Variants in CEP85L observed in about 807,000 individuals in gnomAD.
CEP85L encodes the protein centrosomal protein of 85 kDa-like.
A neutral mutation model predicts 100.3 loss-of-function variants in CEP85L; 60 were observed. The observed-to-expected ratio is 0.60, with a 90% CI of 0.49 to 0.74. The LOEUF (loss-of-function observed/expected upper bound fraction) is 0.74, where lower values mean the gene tolerates loss of function less well. CEP85L is among the 30% of genes least tolerant of loss of function. CEP85L has a pLI of 0.00. For synonymous variants in CEP85L, 319 were observed against 322.7 expected, an observed-to-expected ratio of 0.99 and a Z score of 0.12; for missense variants, 973 against 936.2, an observed-to-expected ratio of 1.04 and a Z score of -0.51.
At chr6:118,686,680 G>C (rs567336651) in intron 1 of CEP85L, among the ~76,000 whole-genome samples, 17 of 152,256 alleles carry the variant, frequency 1.1e-4, no homozygotes, top group Non-Finnish European at 1.9e-4. Flanking sequence ...AAGAACACTT[G>C]TGTGTTGAGG....
Position 118,565,629 on chromosome 6 carries a change from T to C in CEP85L, c.920A>G (p.Asn307Ser). The C allele has an allele frequency of 6.2e-7, 1 of 1,614,202 alleles. No individual in the cohort carries two copies. Among genetic ancestry groups the C allele is most frequent in the Non-Finnish European group, 8.5e-7 (1 of 1,180,038 alleles). The change falls in exon 3 of 13, where the codon AAT (asparagine) becomes AGT (serine). Residue 307 changes from asparagine (N) to serine (S), a missense_variant. By Grantham distance (46) the Asn-to-Ser change is conservative. Transcript: ENST00000368491. ...CTCTGTATTTCTACCTTCCAAAGGA[T>C]TTGTCCGCAGCTGCTCTGTAAGCCA... is the stretch of plus-strand genomic sequence containing the variant. Reference protein sequence around the residue: ...QMWLTEQLRTNPLEGRNTEDS... With the variant: ...QMWLTEQLRTSPLEGRNTEDS...
chr6:118,602,868 T>C (rs1781854402), intron 2 of CEP85L, among the ~76,000 whole-genome samples: 1 of 151,990 alleles, frequency 6.6e-6, no homozygotes, highest in Non-Finnish European at 1.5e-5. Flanking sequence ...TCACCCAGGC[T>C]GGAGTGCAAT....
At chr6:118,603,539 T>C (rs1336693795) in intron 2 of CEP85L, among the ~76,000 whole-genome samples, 2 of 152,110 alleles carry the variant, frequency 1.3e-5, no homozygotes, top group East Asian at 1.9e-4. Context: ...TAGAGAGAAA[T>C]AAATATGCTC....
chr6:118,476,085 G>T (rs754551230), intron 10 of CEP85L, among the ~76,000 whole-genome samples: 2 of 152,090 alleles, frequency 1.3e-5, no homozygotes, highest in Admixed American at 6.6e-5. Flanking sequence ...ACAGGCCCAA[G>T]AACATTCTTT....
chr6:118,607,113 A>AC (rs902551626), intron 2 of CEP85L, among the ~76,000 whole-genome samples: 60 of 152,240 alleles, frequency 3.9e-4, no homozygotes, highest in Non-Finnish European at 7.2e-4. Flanking sequence ...CATGTGATAA[A>AC]AACAGAGACA....
chr6:118,548,135 A>G (rs1473479102), intron 3 of CEP85L, among the ~76,000 whole-genome samples: 1 of 152,152 alleles, frequency 6.6e-6, no homozygotes, highest in Admixed American at 6.5e-5. Flanking sequence ...GATGAAGCAC[A>G]AAGTGTTAAT....
intron 1 of CEP85L, among the ~76,000 whole-genome samples, chr6:118,680,984 C>T (rs539406851): frequency 4.7e-4 from 72 of 152,184 alleles, no homozygotes; most frequent in Admixed American, 9.2e-4. Context: ...ATTGCTGAAA[C>T]GGAACTTGGT....
intron 1 of CEP85L, chr6:118,646,905 A>T: frequency 3.1e-6 from 3 of 983,150 alleles, no homozygotes; most frequent in Non-Finnish European, 3.6e-6. Context: ...TTATCAACTC[A>T]CCATTTATTG....
intron 2 of CEP85L, chr6:118,588,966 A>T (rs1253425453): frequency 1.1e-5 from 2 of 186,108 alleles, no homozygotes; most frequent in Non-Finnish European, 2.5e-5. Flanking sequence ...GTAGAATGTT[A>T]TAGGAGTTAT....
At chr6:118,541,247 G>T (rs1423279085) in intron 3 of CEP85L, among the ~76,000 whole-genome samples, 1 of 152,172 alleles carries the variant, frequency 6.6e-6, no homozygotes, top group Non-Finnish European at 1.5e-5. Flanking sequence ...CCAACTGAAG[G>T]GCAAATTAAA....
intron 1 of CEP85L, among the ~76,000 whole-genome samples, chr6:118,697,357 T>C (rs774513414): frequency 6.6e-6 from 1 of 152,246 alleles, no homozygotes; most frequent in Non-Finnish European, 1.5e-5. Context: ...ACCAGTCCTC[T>C]GGTCTTTATC....
chr6:118,501,303 C>A, intron 5 of CEP85L: 2 of 365,238 alleles, frequency 5.5e-6, no homozygotes, highest in Non-Finnish European at 1.1e-5. Context: ...CCAGGCCAGG[C>A]GAGGTGGAGG....
intron 4 of CEP85L, among the ~76,000 whole-genome samples, 186 bp downstream of exon 4, chr6:118,523,616 C>T (rs1457955114): frequency 6.6e-6 from 1 of 152,118 alleles, no homozygotes; most frequent in Non-Finnish European, 1.5e-5. Context: ...AGAAATCAGA[C>T]AGATAAACCA....
chr6:118,646,911 T>C, intron 1 of CEP85L: 1 of 984,350 alleles, frequency 1.0e-6, no homozygotes, highest in Non-Finnish European at 1.2e-6. Context: ...ACTCACCATT[T>C]ATTGCTTGGC....
rs990245355 is a variant in CEP85L, at chr6:118,470,469, A to T, written c.2022+68T>A. On this transcript the variant is annotated intron_variant, in intron 11 of 12. Coordinates refer to ENST00000368491, the MANE Select transcript of CEP85L (RefSeq NM_001042475.3). ...TCTTTAATCTGAAAATGCTCTATTA[A>T]TATCTATAAAATAAGCATTTTATAG... is the stretch of plus-strand genomic sequence containing the variant. 1.2e-5 allele frequency: 10 copies of T among 822,534 alleles called. No homozygotes were observed. The Admixed American group carries it at 2.7e-4, about 22-fold the overall frequency. 51.0% of individuals were successfully genotyped at this position (822,534 alleles called of 1,614,324 possible). A position where few individuals can be genotyped will look rare whatever the true frequency, so the allele number is the denominator to read the frequency against.
At chr6:118,501,913 T>C in intron 5 of CEP85L, 4 of 1,107,422 alleles carry the variant, frequency 3.6e-6, no homozygotes, top group African/African-American at 1.6e-5. Context: ...TGCTTTTAAG[T>C]TTAAAAGCAG....
Position 118,651,374 on chromosome 6 carries a change from CG to C in CEP85L, c.-106del. On this transcript the variant is annotated 5_prime_UTR_variant, in exon 1 of 13. Coordinates refer to ENST00000368491, the MANE Select transcript of CEP85L (RefSeq NM_001042475.3). ...GCGCGGAGCGTGGGCCTCGGCGACA[CG>C]GGCAGGAGGAAAGGCGGGATGGCTG... 7.3e-7 allele frequency: 1 copy of C among 1,366,360 alleles called. No individual in the cohort carries two copies. The highest frequency in any genetic ancestry group is 3.1e-5 in the East Asian group (1 of 32,056). The allele number at this position is 1,366,360 out of a possible 1,614,324, so 84.6% of individuals were successfully genotyped here. A position where few individuals can be genotyped will look rare whatever the true frequency, so the allele number is the denominator to read the frequency against.
rs1228923640 is a variant in CEP85L, at chr6:118,461,502, T to C, written c.*3903A>G. The C allele has an allele frequency of 6.6e-6, 1 of 152,014 alleles. No individual in the cohort carries two copies. Among genetic ancestry groups the C allele is most frequent in the Non-Finnish European group, 1.5e-5 (1 of 67,952 alleles). 9.4% of individuals were successfully genotyped at this position (152,014 alleles called of 1,614,324 possible). ...AGAACTCATGTAAAATAGAAATAAA[T>C]GCTTACTGCAGGCAAAAAGGCACAA... On this transcript the variant is annotated 3_prime_UTR_variant, in exon 13 of 13. Coordinates refer to ENST00000368491, the MANE Select transcript of CEP85L (RefSeq NM_001042475.3).
At chr6:118,651,673 C>T, upstream of CEP85L, 2 of 731,076 alleles carry the variant, frequency 2.7e-6, no homozygotes, top group Non-Finnish European at 3.2e-6. Flanking sequence ...CAGGCGTGCG[C>T]GGCGCCGCGC....
Sources: gnomAD v4.1 joint callset for allele counts (sites outside exome capture counted in the v4.1 genomes callset) on GRCh38, gnomAD v4.1.1 for gene constraint, MANE v1.5 for transcripts, NCBI Gene and HGNC (gene_info 2026-07-23, HGNC 2026-07-21) for gene names.